The following TEC variants were observed in gnomAD, a reference collection of about 807,000 sequenced individuals.
The protein encoded by TEC is tec protein tyrosine kinase, also known as tyrosine-protein kinase Tec.
In TEC, 72 loss-of-function variants were observed where a neutral mutation model predicts 93.0. The ratio of observed to expected loss-of-function variants is 0.77; its 90% CI spans 0.64 to 0.94. The LOEUF is 0.94. Among genes scored for constraint, TEC ranks in the 40% least tolerant of loss-of-function variants. The probability of loss-of-function intolerance (pLI) is 0.00; values close to 1 mark genes in which losing one functional copy is unlikely to be tolerated. For missense variants in TEC, 630 were observed against 757.9 expected (o/e 0.83, Z 1.98); for synonymous variants, 249 against 247.7 (o/e 1.01, Z -0.05).
At chr4:48,178,416 T>G (rs2109559322) in intron 2 of TEC, among the ~76,000 whole-genome samples, 1 of 152,194 alleles carries the variant, frequency 6.6e-6, no homozygotes, top group South Asian at 2.1e-4. Context: ...ACACAATGGT[T>G]GAGACACTAT....
intron 2 of TEC, among the ~76,000 whole-genome samples, chr4:48,193,634 AG>A (rs1722172526): frequency 6.6e-6 from 1 of 152,004 alleles, no homozygotes; most frequent in African/African-American, 2.4e-5. Flanking sequence ...TATTTTTCTT[AG>A]CAACAAAAAA....
intron 8 of TEC, among the ~76,000 whole-genome samples, chr4:48,161,426 C>T (rs1249268850): frequency 6.6e-6 from 1 of 151,836 alleles, no homozygotes; most frequent in East Asian, 1.9e-4. Flanking sequence ...CTGATCTCTC[C>T]GATCTTCTCC....
chr4:48,256,846 T>C (rs1724360037), intron 1 of TEC, among the ~76,000 whole-genome samples: 1 of 151,962 alleles, frequency 6.6e-6, no homozygotes, highest in Admixed American at 6.6e-5. Flanking sequence ...GGGGATAGAG[T>C]GTCTAGGAGT....
intron 1 of TEC, among the ~76,000 whole-genome samples, chr4:48,265,865 G>A (rs1375464130): frequency 6.6e-6 from 1 of 152,114 alleles, no homozygotes; most frequent in Admixed American, 6.6e-5. Context: ...AAAGTTTCCA[G>A]ATTCAAAGAG....
In TEC at chr4:48,188,658, C is replaced by T. The variant is rs141306705; in HGVS notation, c.139-12472G>A. ...ATATACACAGACATAAACATGCACGCGTATGTGTGCATTCACATACTTATA... is the reference window on the plus strand; with the variant it reads ...ATATACACAGACATAAACATGCACGTGTATGTGTGCATTCACATACTTATA... On this transcript the variant is annotated intron_variant, in intron 2 of 17. Transcript: ENST00000381501. 2.8e-3 allele frequency among the ~76,000 whole-genome samples: 431 copies of T among 152,168 alleles called. 4 individuals are homozygous for T. The highest frequency in any genetic ancestry group is 1.0e-2 in the African/African-American group (414 of 41,504).
At chr4:48,195,896 C>T (rs1722284764) in intron 2 of TEC, among the ~76,000 whole-genome samples, 1 of 152,184 alleles carries the variant, frequency 6.6e-6, no homozygotes, top group African/African-American at 2.4e-5. Flanking sequence ...GTGCAAAATA[C>T]AGAATCCCCA....
chr4:48,193,379 G>T (rs1722162301), intron 2 of TEC, among the ~76,000 whole-genome samples: 1 of 151,910 alleles, frequency 6.6e-6, no homozygotes, highest in African/African-American at 2.4e-5. Context: ...TACCACACCA[G>T]GTGGGCACAG....
chr4:48,171,155 T>A (rs1450569512), intron 4 of TEC, among the ~76,000 whole-genome samples: 3 of 152,198 alleles, frequency 2.0e-5, no homozygotes, highest in African/African-American at 7.2e-5. Context: ...TCTTAGAAAC[T>A]ATATGCTACT....
At chr4:48,218,924 C>T (rs536968096) in intron 2 of TEC, among the ~76,000 whole-genome samples, 2 of 152,186 alleles carry the variant, frequency 1.3e-5, no homozygotes, top group Admixed American at 6.5e-5. Flanking sequence ...AATTTTGGTA[C>T]AACCAGATTA....
chr4:48,262,583 T>C (rs1353671146), intron 1 of TEC, among the ~76,000 whole-genome samples: 3 of 152,146 alleles, frequency 2.0e-5, no homozygotes, highest in Non-Finnish European at 4.4e-5. Context: ...GGTACTATGC[T>C]TTCCCTAGGA....
intron 2 of TEC, among the ~76,000 whole-genome samples, chr4:48,204,647 C>T (rs553431086): frequency 2.0e-4 from 30 of 152,294 alleles, no homozygotes; most frequent in African/African-American, 7.2e-4. Context: ...TGAGCGGGAT[C>T]ATTTCAGGAT....
At chr4:48,242,419 G>C (rs879493963) in intron 1 of TEC, among the ~76,000 whole-genome samples, 14 of 152,270 alleles carry the variant, frequency 9.2e-5, no homozygotes, top group Admixed American at 3.3e-4. Flanking sequence ...ACTTTATCTA[G>C]CTTGCTGGTA....
At chr4:48,229,369 T>C (rs1430669664) in intron 1 of TEC, among the ~76,000 whole-genome samples, 1 of 152,262 alleles carries the variant, frequency 6.6e-6, no homozygotes, top group Non-Finnish European at 1.5e-5. Flanking sequence ...ACTGAGCCTT[T>C]TAAAATTCAA....
intron 2 of TEC, among the ~76,000 whole-genome samples, chr4:48,227,585 G>A (rs903794763): frequency 2.7e-5 from 4 of 148,184 alleles, no homozygotes; most frequent in Admixed American, 6.8e-5. Context: ...GGAGGTTACT[G>A]TGAGCCGAGA....
intron 2 of TEC, among the ~76,000 whole-genome samples, chr4:48,182,310 A>G (rs997232481): frequency 2.6e-5 from 4 of 151,606 alleles, no homozygotes; most frequent in African/African-American, 9.7e-5. Context: ...TTGTGGCCCA[A>G]GGGGAAATAT....
At chr4:48,141,606 A>G in intron 14 of TEC, 187 bp from the exon 15 acceptor site, 2 of 521,466 alleles carry the variant, frequency 3.8e-6, no homozygotes, top group Non-Finnish European at 6.7e-6. Context: ...AAAAATGAAT[A>G]GGCAGGTCAG....
At chr4:48,203,123 G>A (rs1226254442) in intron 2 of TEC, among the ~76,000 whole-genome samples, 1 of 152,136 alleles carries the variant, frequency 6.6e-6, no homozygotes, top group Admixed American at 6.5e-5. Flanking sequence ...CAACACTTTG[G>A]GAGGCTGAGG....
intron 9 of TEC, among the ~76,000 whole-genome samples, chr4:48,154,677 A>T (rs1008962652): frequency 5.9e-5 from 9 of 152,198 alleles, no homozygotes; most frequent in Non-Finnish European, 1.0e-4. Flanking sequence ...AAATGGGTAG[A>T]AAGAGAATGA....
At chr4:48,168,737 C>T in intron 5 of TEC, 111 bp from the exon 6 acceptor site, 1 of 1,080,460 alleles carries the variant, frequency 9.3e-7, no homozygotes. Flanking sequence ...AGACAAGCAG[C>T]ACACTCTGAC....
Sources: allele counts gnomAD v4.1 joint callset (sites outside exome capture counted in the v4.1 genomes callset), GRCh38; gene constraint gnomAD v4.1.1; transcripts MANE v1.5; gene names NCBI Gene and HGNC (gene_info 2026-07-23, HGNC 2026-07-21).